BRSK1: variants seen among roughly 807,000 people sequenced by gnomAD.
BRSK1 encodes the protein serine/threonine-protein kinase BRSK1.
BRSK1 carries 17 observed loss-of-function variants against 86.2 expected under a neutral mutation model. That is an observed-to-expected ratio of 0.20 (90% CI 0.14 to 0.30). BRSK1 has a LOEUF of 0.30. BRSK1 is among the 10% of genes least tolerant of loss of function. The pLI is 1.00. For synonymous variants in BRSK1, 464 were observed against 440.1 expected (o/e 1.05, Z -0.68); for missense variants, 719 against 1,071.9 (o/e 0.67, Z 4.60).
intron 1 of BRSK1, 111 bp downstream of exon 1, chr19:55,284,689 C>T: frequency 2.0e-6 from 2 of 978,236 alleles, no homozygotes; most frequent in Non-Finnish European, 2.7e-6. Flanking sequence ...ACCCCTGGGC[C>T]CCTCATAGAG....
intron 18 of BRSK1, 39 bp from the exon 19 acceptor site, chr19:55,311,872 G>A: frequency 6.2e-7 from 1 of 1,604,098 alleles, no homozygotes; most frequent in Middle Eastern, 1.7e-4. Context: ...CCCAACCCTG[G>A]GCTGCGGAAC....
Position 55,302,375 on chromosome 19 carries a change from G to T in BRSK1, c.857+207G>T. ...AGGAGGGGCTAAGCTAGGAGTCCAGGACTCCCAGGTTTGAGGGAAAAAGGG... is the reference window on the plus strand; with the variant it reads ...AGGAGGGGCTAAGCTAGGAGTCCAGTACTCCCAGGTTTGAGGGAAAAAGGG... On this transcript the variant is annotated intron_variant, in intron 9 of 18. Coordinates refer to ENST00000309383, the MANE Select transcript of BRSK1 (RefSeq NM_032430.2). This position sits in a 1 kb window ranked among gnomAD's most constrained non-coding sequence, Gnocchi z 6.3. 1.6e-6 allele frequency: 1 copy of T among 643,216 alleles called. No homozygotes were observed. The highest frequency in any genetic ancestry group is 1.8e-5 in the South Asian group (1 of 54,538). The allele number at this position is 643,216 out of a possible 1,614,324, so 39.8% of individuals were successfully genotyped here.
chr19:55,305,248 AGTGCAGGCCTGTGTGCTG>A, intron 14 of BRSK1, 55 bp from the exon 15 acceptor site: 1 of 1,574,336 alleles, frequency 6.4e-7, no homozygotes, highest in South Asian at 1.1e-5. Flanking sequence ...GGAGGGGGCG[AGTGCAGGCCTGTGTGCTG>A]GCAACTGGGA....
At position 55,304,682 on chromosome 19, in the gene BRSK1, G is replaced by T; in HGVS notation, c.1479G>T (p.Pro493=). Residue 493 remains proline, a synonymous_variant, in exon 14 of 19, where the codon CCG becomes CCT. Coordinates refer to ENST00000309383, the MANE Select transcript of BRSK1 (RefSeq NM_032430.2). This position sits in a 1 kb window ranked among gnomAD's most constrained non-coding sequence, Gnocchi z 5.2. ...GTGGGGGCGCCGGGGAGCAGCCCCC[G>T]CCCCCCAGTGCCCGCTCCACACCCC... ...PRGGGAGEQP[P]PPSARSTPLP... 2.1e-6 allele frequency: 3 copies of T among 1,459,802 alleles called. No homozygotes were observed. The highest frequency in any genetic ancestry group is 2.7e-6 in the Non-Finnish European group (3 of 1,112,892). 90.4% of individuals were successfully genotyped at this position (1,459,802 alleles called of 1,614,324 possible). A position where few individuals can be genotyped will look rare whatever the true frequency, so the allele number is the denominator to read the frequency against.
At chr19:55,286,623 C>T (rs986514191) in intron 1 of BRSK1, among the ~76,000 whole-genome samples, 2 of 142,574 alleles carry the variant, frequency 1.4e-5, no homozygotes, top group Admixed American at 1.5e-4. Flanking sequence ...GCAGAGAATA[C>T]AAGGAATTGA....
intron 7 of BRSK1, among the ~76,000 whole-genome samples, chr19:55,300,579 C>G (rs1338335088): frequency 1.3e-5 from 2 of 152,174 alleles, no homozygotes. Flanking sequence ...TGGCTCACGC[C>G]TGTAATCCCA....
In BRSK1 at chr19:55,304,013, A is replaced by T. The variant is rs1600187609; in HGVS notation, c.1287-37A>T. Reference sequence around the variant, plus strand: ...CATCTGTGGTTTTTGAAACCCTCCCATCTGATTTTTTTTTTTTAAATCTAT... The same window carrying T: ...CATCTGTGGTTTTTGAAACCCTCCCTTCTGATTTTTTTTTTTTAAATCTAT... On this transcript the variant is annotated intron_variant, in intron 12 of 18. Transcript: ENST00000309383. This position sits in a 1 kb window ranked among gnomAD's most constrained non-coding sequence, Gnocchi z 5.2. 1 of 1,564,228 alleles carries T rather than the reference A, an allele frequency of 6.4e-7. No homozygotes were observed. Among genetic ancestry groups the T allele is most frequent in the Non-Finnish European group, 8.6e-7 (1 of 1,156,514 alleles).
rs1231206905 is a variant in BRSK1 at position 55,306,345 on chromosome 19, C to T, written c.1984C>T (p.Arg662Cys). ...GGPSVFQKPV[R>C]FQVDISSSEG... ...CCCCTCCGTCTTCCAAAAGCCCGTC[C>T]GCTTCCAGGTGGACATCAGCTCCTC... Residue 662 changes from arginine to cysteine, a missense_variant, in exon 17 of 19, where the codon CGC (arginine) becomes TGC (cysteine). Around this residue, in one of 6 missense-constraint regions of BRSK1, gnomAD observed 180 missense variants for 259.4 expected, o/e 0.69. Transcript: ENST00000309383. The surrounding 1 kb of genome is among the most constrained non-coding windows in gnomAD (Gnocchi z 4.7). 3 of 1,613,982 alleles carry T rather than the reference C, an allele frequency of 1.9e-6. No individual in the cohort carries two copies. The highest frequency in any genetic ancestry group is 1.3e-5 in the African/African-American group (1 of 74,932).
chr19:55,293,375 G>C (rs1307619130), intron 4 of BRSK1, among the ~76,000 whole-genome samples: 1 of 152,020 alleles, frequency 6.6e-6, no homozygotes, highest in African/African-American at 2.4e-5. Flanking sequence ...GGTGGCACAT[G>C]CCTGCAATCC....
rs769784818 is a variant in BRSK1 at position 55,303,620 on chromosome 19, G to A, written c.1127-47G>A. The stretch of plus-strand genomic sequence containing the variant: ...GCAGTTTCTGAGGCAGTTGTACACA[G>A]CTGGGTGAAACCATCTCTTGATTGG... On this transcript the variant is annotated intron_variant, in intron 11 of 18. Transcript: ENST00000309383. The surrounding 1 kb of genome is among the most constrained non-coding windows in gnomAD (Gnocchi z 5.1). The A allele has an allele frequency of 1.1e-5, 18 of 1,566,826 alleles. No homozygotes were observed. The Admixed American group carries it at 1.5e-4, about 13-fold the overall frequency.
At position 55,304,254 on chromosome 19, in the gene BRSK1, A is replaced by C. The variant is rs2088613881; in HGVS notation, c.1347+144A>C. 4 of 919,466 alleles carry C rather than the reference A, an allele frequency of 4.4e-6. No homozygotes were observed. Among genetic ancestry groups the C allele is most frequent in the Non-Finnish European group, 6.4e-6 (4 of 623,670 alleles). 57.0% of individuals were successfully genotyped at this position (919,466 alleles called of 1,614,324 possible). A position where few individuals can be genotyped will look rare whatever the true frequency, so the allele number is the denominator to read the frequency against. The stretch of plus-strand genomic sequence containing the variant: ...GAGGGCCAAAGACCCAAGGCCTCCA[A>C]AGTATTTTGGTCCATTGGCCATTTC... On this transcript the variant is annotated intron_variant, in intron 13 of 18. Coordinates refer to ENST00000309383, the MANE Select transcript of BRSK1 (RefSeq NM_032430.2). This position sits in a 1 kb window ranked among gnomAD's most constrained non-coding sequence, Gnocchi z 5.2.
Position 55,302,907 on chromosome 19 carries a change from G to A in BRSK1, c.1028+40G>A. 6.3e-7 allele frequency: 1 copy of A among 1,588,830 alleles called. No individual in the cohort carries two copies. Among genetic ancestry groups the A allele is most frequent in the South Asian group, 1.1e-5 (1 of 89,834 alleles). On this transcript the variant is annotated intron_variant, in intron 10 of 18. Transcript: ENST00000309383. The surrounding 1 kb of genome is among the most constrained non-coding windows in gnomAD (Gnocchi z 6.3). The stretch of plus-strand genomic sequence containing the variant: ...CCCCTGCACCCGTGTACCCACGTGG[G>A]GCGAGCTGCAGCAGCTCCCTGCGCA...
chr19:55,289,365 C>G (rs1437679632), intron 3 of BRSK1, 115 bp from the exon 4 acceptor site: 1 of 1,279,654 alleles, frequency 7.8e-7, no homozygotes, highest in Non-Finnish European at 1.1e-6. Flanking sequence ...CTCTTTCTCC[C>G]AAGGATCATG....
chr19:55,294,481 A>T lies in BRSK1; in HGVS notation c.678+84A>T, dbSNP rs2088456221. ...GGACAGTACCTTCCATCCTCAGGTCATCTCCTGAATTTATTTATGAATTTT... is the reference window on the plus strand; with the variant it reads ...GGACAGTACCTTCCATCCTCAGGTCTTCTCCTGAATTTATTTATGAATTTT... On this transcript the variant is annotated intron_variant, in intron 7 of 18. Coordinates refer to ENST00000309383, the MANE Select transcript of BRSK1 (RefSeq NM_032430.2). This position sits in a 1 kb window ranked among gnomAD's most constrained non-coding sequence, Gnocchi z 4.9. 1 of 1,416,052 alleles carries T rather than the reference A, an allele frequency of 7.1e-7. No homozygotes were observed. The highest frequency in any genetic ancestry group is 1.4e-5 in the African/African-American group (1 of 69,308). 87.7% of individuals were successfully genotyped at this position (1,416,052 alleles called of 1,614,324 possible).
Position 55,305,526 on chromosome 19 carries a change from C to T in BRSK1, c.1830C>T (p.Leu610=). 1 of 1,614,194 alleles carries T rather than the reference C, an allele frequency of 6.2e-7. No individual in the cohort carries two copies. ...ISLDKEEQIF[L]VLKDKPLSSI... is the part of the protein sequence containing the mutation. ...TGGACAAAGAAGAACAAATATTCCT[C>T]GTGCTAAAGGACAAACCTCTCAGCA... The change falls in exon 16 of 19, where the codon CTC becomes CTT. Residue 610 remains leucine, a synonymous_variant. Transcript: ENST00000309383.
chr19:55,303,455 G>C lies in BRSK1; in HGVS notation c.1126+47G>C, dbSNP rs1284077407. ...ACCAGACACCTGGGTCTCGAGATTG[G>C]AAGAGGCTGGCCACGGGGACCCCAG... On this transcript the variant is annotated intron_variant, in intron 11 of 18. Coordinates refer to ENST00000309383, the MANE Select transcript of BRSK1 (RefSeq NM_032430.2). This position sits in a 1 kb window ranked among gnomAD's most constrained non-coding sequence, Gnocchi z 5.1. 4 of 1,589,318 alleles carry C rather than the reference G, an allele frequency of 2.5e-6. No individual in the cohort carries two copies. Among genetic ancestry groups the C allele is most frequent in the Non-Finnish European group, 3.5e-6 (4 of 1,157,940 alleles).
At chr19:55,305,729 A>C in intron 16 of BRSK1, 143 bp downstream of exon 16, 1 of 1,310,364 alleles carries the variant, frequency 7.6e-7, no homozygotes, top group Non-Finnish European at 1.1e-6. Context: ...GTTGGTTAGA[A>C]GTCGGTAGGC....
chr19:55,293,732 C>T (rs1381642980), intron 4 of BRSK1, among the ~76,000 whole-genome samples: 1 of 151,786 alleles, frequency 6.6e-6, no homozygotes, highest in Non-Finnish European at 1.5e-5. Context: ...ATCACTTGGA[C>T]CCAGGAGACA....
chr19:55,299,790 C>A (rs1171130592), intron 7 of BRSK1, among the ~76,000 whole-genome samples: 1 of 152,116 alleles, frequency 6.6e-6, no homozygotes, highest in East Asian at 1.9e-4. Flanking sequence ...CATCAGGCAA[C>A]CAGAAGTCAA....
Sources: gnomAD v4.1 joint callset for allele counts (sites outside exome capture counted in the v4.1 genomes callset) on GRCh38, gnomAD v4.1.1 for gene constraint, gnomAD v4.1.1 regional missense constraint, Gnocchi (gnomAD v3.1) non-coding constraint, MANE v1.5 for transcripts, NCBI Gene and HGNC (gene_info 2026-07-23, HGNC 2026-07-21) for gene names.